Variants in GSG1L observed in about 807,000 individuals in gnomAD.
GSG1L encodes germ cell-specific gene 1-like protein.
GSG1L carries 24 observed loss-of-function variants against 42.1 expected under a neutral mutation model. That is an observed-to-expected ratio of 0.57 (90% confidence interval 0.41 to 0.80). The LOEUF (loss-of-function observed/expected upper bound fraction) is 0.80, where lower values mean the gene tolerates loss of function less well. Among genes scored for constraint, GSG1L ranks in the 30% least tolerant of loss-of-function variants. GSG1L has a pLI of 0.00. For synonymous variants in GSG1L, 215 were observed against 203.5 expected (o/e 1.06, Z -0.48); for missense variants, 445 against 472.2 (o/e 0.94, Z 0.53).
At chr16:27,918,483 C>A (rs1472974440) in intron 2 of GSG1L, among the ~76,000 whole-genome samples, 1 of 151,946 alleles carries the variant, frequency 6.6e-6, no homozygotes, top group Non-Finnish European at 1.5e-5. Flanking sequence ...CGTGGCAAAA[C>A]CCTGTCTATA....
chr16:27,893,586 C>G (rs1037575578), intron 2 of GSG1L, among the ~76,000 whole-genome samples: 2 of 152,006 alleles, frequency 1.3e-5, no homozygotes, highest in East Asian at 3.9e-4. Context: ...TTTCCTTTTC[C>G]TTTTTATTTT....
At chr16:28,031,762 T>C (rs1567562593) in intron 1 of GSG1L, among the ~76,000 whole-genome samples, 1 of 152,188 alleles carries the variant, frequency 6.6e-6, no homozygotes, top group South Asian at 2.1e-4. Flanking sequence ...TTAGCTACAT[T>C]AGTTAATGCC....
chr16:27,888,148 C>T (rs539957630), intron 2 of GSG1L: 124 of 985,440 alleles, frequency 1.3e-4, no homozygotes, highest in Middle Eastern at 5.2e-4. Flanking sequence ...TGCTCACTGA[C>T]TCAGCTGCCT....
chr16:27,811,792 G>T (rs1192471315), intron 5 of GSG1L, among the ~76,000 whole-genome samples: 2 of 152,212 alleles, frequency 1.3e-5, no homozygotes, highest in Non-Finnish European at 2.9e-5. Flanking sequence ...GGAATTACAG[G>T]TGTGTGCCAC....
At chr16:27,964,191 G>A (rs1367150908) in intron 1 of GSG1L, among the ~76,000 whole-genome samples, 2 of 152,086 alleles carry the variant, frequency 1.3e-5, no homozygotes, top group African/African-American at 4.8e-5. Context: ...CTAGCTGGGC[G>A]TAGTGGCATG....
At chr16:27,985,400 C>T (rs2085369885) in intron 1 of GSG1L, among the ~76,000 whole-genome samples, 1 of 152,114 alleles carries the variant, frequency 6.6e-6, no homozygotes, top group Non-Finnish European at 1.5e-5. Context: ...TTCTCTAGCT[C>T]TCTCTCTCAC....
At chr16:28,060,979 G>A (rs1596742276) in intron 1 of GSG1L, among the ~76,000 whole-genome samples, 2 of 152,182 alleles carry the variant, frequency 1.3e-5, no homozygotes, top group East Asian at 3.8e-4. Flanking sequence ...AGCCAACAGA[G>A]ACTCCAAACA....
intron 3 of GSG1L, among the ~76,000 whole-genome samples, chr16:27,862,257 G>A (rs910109661): frequency 1.3e-5 from 2 of 152,148 alleles, no homozygotes; most frequent in South Asian, 2.1e-4. Context: ...CATATTTGAG[G>A]TCCACAAGGC....
At chr16:28,033,866 G>A (rs1417692505) in intron 1 of GSG1L, among the ~76,000 whole-genome samples, 1 of 152,198 alleles carries the variant, frequency 6.6e-6, no homozygotes, top group Non-Finnish European at 1.5e-5. Context: ...AGTATATTAA[G>A]AAGAGAAAAT....
rs187069673 is a variant in GSG1L, at chr16:27,887,620, G to A, written c.398-2982C>T. 2.0e-3 allele frequency among the ~76,000 whole-genome samples: 298 copies of A among 152,116 alleles called. 5 individuals carry two copies. The highest frequency in any genetic ancestry group is 6.8e-3 in the East Asian group (35 of 5,184). On this transcript the variant is annotated intron_variant, in intron 2 of 6. Coordinates refer to ENST00000447459, the MANE Select transcript of GSG1L (RefSeq NM_001109763.2). ...TTGTTCCTTCCACCTGGAATGTCCCGGGGACATCCAAGAAATACTATTTAT... is the reference window on the plus strand; with the variant it reads ...TTGTTCCTTCCACCTGGAATGTCCCAGGGACATCCAAGAAATACTATTTAT...
chr16:27,921,824 G>A (rs1032840889), intron 2 of GSG1L, among the ~76,000 whole-genome samples: 3 of 152,090 alleles, frequency 2.0e-5, no homozygotes, highest in East Asian at 1.9e-4. Flanking sequence ...TGCCTTGATC[G>A]TACCTGTGAC....
At chr16:27,883,128 A>G (rs2083980411) in intron 3 of GSG1L, among the ~76,000 whole-genome samples, 1 of 88,210 alleles carries the variant, frequency 1.1e-5, no homozygotes, top group South Asian at 4.0e-4. Flanking sequence ...CAAAAAAAAA[A>G]AAAAAAAAAA....
chr16:27,978,517 C>A (rs369157900), intron 1 of GSG1L, among the ~76,000 whole-genome samples: 4 of 151,852 alleles, frequency 2.6e-5, no homozygotes, highest in East Asian at 1.9e-4. Flanking sequence ...ATAGCAAAAC[C>A]CCATCTCCAC....
chr16:27,844,564 G>A (rs952656399), intron 4 of GSG1L, among the ~76,000 whole-genome samples: 17 of 152,206 alleles, frequency 1.1e-4, no homozygotes, highest in Non-Finnish European at 1.8e-4. Flanking sequence ...TAAAGCAGCC[G>A]TGGATAATAT....
In GSG1L at chr16:27,979,684, A is replaced by AAGG. The variant is rs1474306259; in HGVS notation, c.350-16482_350-16481insCCT. Among the ~76,000 whole-genome samples, 86 of 66,320 alleles carry AAGG rather than the reference A, an allele frequency of 1.3e-3. 1 individual carries two copies. Among genetic ancestry groups the AAGG allele is most frequent in the East Asian group, 0.012 (28 of 2,362 alleles). 43.5% of individuals were successfully genotyped at this position (66,320 alleles called of 152,430 possible). A position where few individuals can be genotyped will look rare whatever the true frequency, so the allele number is the denominator to read the frequency against. ...GAAAGAGAGAGAGAGAGAGAGAAAG[A>AAGG]AAGAAGGAAGGAAGGAAGGAAGGAA... On this transcript the variant is annotated intron_variant, in intron 1 of 6. Coordinates refer to ENST00000447459, the MANE Select transcript of GSG1L (RefSeq NM_001109763.2).
At chr16:27,932,253 A>T (rs59406671) in intron 2 of GSG1L, among the ~76,000 whole-genome samples, 7,644 of 152,136 alleles carry the variant, frequency 0.05, 673 homozygotes, top group African/African-American at 0.18. Flanking sequence ...GGGTTTCACC[A>T]TGTTGGCCAG....
chr16:27,966,138 C>G lies in GSG1L; in HGVS notation c.350-2935G>C, dbSNP rs112788646. 4.7e-3 allele frequency among the ~76,000 whole-genome samples: 715 copies of G among 152,332 alleles called. 9 individuals are homozygous for G. Among genetic ancestry groups the G allele is most frequent in the African/African-American group, 0.017 (689 of 41,574 alleles). The stretch of plus-strand genomic sequence containing the variant: ...CCTGAGTAGTTTACTCCTCCTCTCC[C>G]TTGTCATTTTTCTCAAATGTTATCT... On this transcript the variant is annotated intron_variant, in intron 1 of 6. Coordinates refer to ENST00000447459, the MANE Select transcript of GSG1L (RefSeq NM_001109763.2).
At chr16:27,959,212 C>T (rs750494913) in intron 2 of GSG1L, among the ~76,000 whole-genome samples, 39 of 150,494 alleles carry the variant, frequency 2.6e-4, no homozygotes, top group Non-Finnish European at 5.2e-4. Flanking sequence ...AATCCCAACA[C>T]TTTGGGAGGC....
rs141452463 is a variant in GSG1L at position 27,803,772 on chromosome 16, T to G, written c.898+3715A>C. On this transcript the variant is annotated intron_variant, in intron 6 of 6. Transcript: ENST00000447459. ...CCTTTTCCCACAGTGCAGACATATA[T>G]ATATATATATATATATATATATAGA... Among the ~76,000 whole-genome samples, 513 of 58,742 alleles carry G rather than the reference T, an allele frequency of 8.7e-3. 6 individuals are homozygous for G. The highest frequency in any genetic ancestry group is 0.011 in the Non-Finnish European group (367 of 33,290). The allele number at this position is 58,742 out of a possible 152,430, so 38.5% of individuals were successfully genotyped here. A position where few individuals can be genotyped will look rare whatever the true frequency, so the allele number is the denominator to read the frequency against.
Sources: gnomAD v4.1 joint callset for allele counts (sites outside exome capture counted in the v4.1 genomes callset) on GRCh38, gnomAD v4.1.1 for gene constraint, MANE v1.5 for transcripts, NCBI Gene and HGNC (gene_info 2026-07-23, HGNC 2026-07-21) for gene names.